Variants in MAST4 observed in about 807,000 individuals in gnomAD.
MAST4 encodes microtubule associated serine/threonine kinase family member 4.
In MAST4, 89 loss-of-function variants were observed where a neutral mutation model predicts 162.7. The observed-to-expected ratio is 0.55, with a 90% CI of 0.46 to 0.65. MAST4 has a LOEUF of 0.65. MAST4 is among the 30% of genes least tolerant of loss of function. The pLI, the probability that MAST4 is intolerant of heterozygous loss-of-function variation, is 0.00. For missense variants in MAST4, 3,153 were observed against 3,374.0 expected, an observed-to-expected ratio of 0.93 and a Z score of 1.62; for synonymous variants, 1,479 against 1,361.1, an observed-to-expected ratio of 1.09 and a Z score of -1.91.
chr5:66,821,150 T>C (rs1257375326), intron 3 of MAST4, among the ~76,000 whole-genome samples: 1 of 152,230 alleles, frequency 6.6e-6, no homozygotes. Context: ...ATTCAGACTT[T>C]GGTGTATTAT....
intron 1 of MAST4, among the ~76,000 whole-genome samples, chr5:66,731,285 T>G (rs2149554741): frequency 6.6e-6 from 1 of 152,280 alleles, no homozygotes; most frequent in African/African-American, 2.4e-5. Context: ...GCAGAGACAC[T>G]GGGGTATATC....
chr5:67,113,397 C>A (rs1355580736), intron 11 of MAST4, among the ~76,000 whole-genome samples: 1 of 150,626 alleles, frequency 6.6e-6, no homozygotes, highest in Non-Finnish European at 1.5e-5. Context: ...GTGTGGTGAT[C>A]CTGAAGATTT....
At chr5:66,747,097 G>GGTGTGTGTGT (rs138318051) in intron 1 of MAST4, among the ~76,000 whole-genome samples, 27 of 145,988 alleles carry the variant, frequency 1.8e-4, no homozygotes, top group African/African-American at 5.3e-4. Flanking sequence ...GCATGCGCAT[G>GGTGTGTGTGT]GTGTGTGTGT....
intron 3 of MAST4, among the ~76,000 whole-genome samples, chr5:66,872,069 AT>A (rs1760968684): frequency 1.3e-4 from 20 of 152,218 alleles, no homozygotes; most frequent in Admixed American, 1.3e-3. Flanking sequence ...TAAGACACAG[AT>A]ACCTCTGATA....
intron 1 of MAST4, among the ~76,000 whole-genome samples, chr5:66,688,527 A>T (rs924226029): frequency 1.6e-4 from 25 of 152,214 alleles, no homozygotes; most frequent in African/African-American, 6.0e-4. Flanking sequence ...TGGGACCCTG[A>T]CCTATGTTGA....
rs1025884017 is a variant in MAST4, at chr5:66,625,011, G to A, written c.363+27993G>A. Among the ~76,000 whole-genome samples the A allele has an allele frequency of 2.0e-5, 3 of 151,404 alleles. No homozygotes were observed. The South Asian group carries it at 6.3e-4, about 32-fold the overall frequency. Reference sequence around the variant, plus strand: ...CATAAAACTAAAAAGCTTCGTCGTAGCAAAGGAAATAATCAAAATGAAGTG... The same window carrying A: ...CATAAAACTAAAAAGCTTCGTCGTAACAAAGGAAATAATCAAAATGAAGTG... On this transcript the variant is annotated intron_variant, in intron 1 of 28. Coordinates refer to ENST00000403625, the MANE Select transcript of MAST4 (RefSeq NM_001164664.2).
Position 67,100,571 on chromosome 5 carries a change from G to GC in MAST4, c.1054dup (p.Arg352ProfsTer15). The GC allele has an allele frequency of 2.5e-6, 4 of 1,613,794 alleles. No homozygotes were observed. The highest frequency in any genetic ancestry group is 3.4e-6 in the Non-Finnish European group (4 of 1,179,804). On this transcript the variant is annotated frameshift_variant, in exon 8 of 29. Coordinates refer to ENST00000403625, the MANE Select transcript of MAST4 (RefSeq NM_001164664.2). LOFTEE classifies it high-confidence loss of function. ...AACAGATGCAGGAACACGCCGATGC[G>GC]CCCCCGTTCCCGAAGTCTGAGGTGT...
At chr5:66,663,761 C>A (rs935985404) in intron 1 of MAST4, among the ~76,000 whole-genome samples, 1 of 152,024 alleles carries the variant, frequency 6.6e-6, no homozygotes, top group South Asian at 2.1e-4. Context: ...GCTTTTTATA[C>A]TGGTTAAGAA....
At chr5:66,675,292 A>C (rs1427480050) in intron 1 of MAST4, among the ~76,000 whole-genome samples, 2 of 152,160 alleles carry the variant, frequency 1.3e-5, no homozygotes, top group African/African-American at 4.8e-5. Flanking sequence ...CAGAACCCTC[A>C]AACATAGGAA....
chr5:66,680,940 T>C (rs1341705043), intron 1 of MAST4, among the ~76,000 whole-genome samples: 1 of 152,202 alleles, frequency 6.6e-6, no homozygotes, highest in Non-Finnish European at 1.5e-5. Flanking sequence ...ATTGACACTC[T>C]TCTGGGCACA....
chr5:66,695,774 C>T (rs756650292), intron 1 of MAST4, among the ~76,000 whole-genome samples: 49 of 152,274 alleles, frequency 3.2e-4, no homozygotes, highest in Non-Finnish European at 5.6e-4. Flanking sequence ...TTAGTTCAAC[C>T]ATTGTGGAAG....
chr5:66,936,210 A>G (rs528497891), intron 4 of MAST4, among the ~76,000 whole-genome samples: 4 of 152,320 alleles, frequency 2.6e-5, no homozygotes, highest in African/African-American at 4.8e-5. Context: ...AATGGACTCT[A>G]TCAATGGGAA....
chr5:66,997,315 TTAG>T (rs556218830), intron 4 of MAST4, among the ~76,000 whole-genome samples: 41 of 152,276 alleles, frequency 2.7e-4, no homozygotes, highest in African/African-American at 9.4e-4. Flanking sequence ...TTCCAGAAAG[TTAG>T]TAGAGAGTAC....
intron 5 of MAST4, among the ~76,000 whole-genome samples, chr5:67,056,908 G>C (rs757235203): frequency 1.3e-5 from 2 of 151,398 alleles, no homozygotes; most frequent in Non-Finnish European, 2.9e-5. Flanking sequence ...TCGCCCTGTT[G>C]GCCAGGCTGG....
intron 1 of MAST4, among the ~76,000 whole-genome samples, chr5:66,632,929 A>T (rs1425773618): frequency 6.6e-6 from 1 of 152,162 alleles, no homozygotes; most frequent in Non-Finnish European, 1.5e-5. Flanking sequence ...TAATATACAC[A>T]CTCATGTAAA....
chr5:67,063,551 A>G (rs1390429041), intron 5 of MAST4, among the ~76,000 whole-genome samples: 1 of 152,094 alleles, frequency 6.6e-6, no homozygotes, highest in Non-Finnish European at 1.5e-5. Flanking sequence ...CTCCTTTATT[A>G]TAAATTAAAG....
At chr5:66,924,567 G>A (rs1437889104) in intron 4 of MAST4, among the ~76,000 whole-genome samples, 2 of 151,828 alleles carry the variant, frequency 1.3e-5, no homozygotes, top group Admixed American at 1.3e-4. Flanking sequence ...CACCGCGCCC[G>A]GCTAATTTTT....
chr5:67,001,989 C>A (rs560977481), intron 4 of MAST4: 1 of 152,268 alleles, frequency 6.6e-6, no homozygotes, highest in South Asian at 2.1e-4. Flanking sequence ...TTCATGTCCA[C>A]CTTGATTACT....
intron 1 of MAST4, among the ~76,000 whole-genome samples, chr5:66,629,651 T>C (rs1290684611): frequency 2.0e-5 from 3 of 152,180 alleles, no homozygotes; most frequent in Non-Finnish European, 2.9e-5. Flanking sequence ...TGGAATACTC[T>C]GAGATATTGT....
Sources: gnomAD v4.1 joint callset for allele counts (sites outside exome capture counted in the v4.1 genomes callset) on GRCh38, gnomAD v4.1.1 for gene constraint, MANE v1.5 for transcripts, NCBI Gene and HGNC (gene_info 2026-07-23, HGNC 2026-07-21) for gene names.